Variants in NEK6 observed in about 807,000 individuals in gnomAD.
NEK6 encodes the protein serine/threonine-protein kinase Nek6.
Under a neutral mutation model 43.5 loss-of-function variants are expected in NEK6, and 27 were observed. The observed-to-expected ratio is 0.62, with a 90% confidence interval of 0.46 to 0.86. The LOEUF is 0.86. Ranked by LOEUF, NEK6 falls within the 40% of genes least tolerant of loss-of-function variation. The pLI is 0.00. For missense variants in NEK6, 318 were observed against 414.4 expected (o/e 0.77, Z 2.02); for synonymous variants, 167 against 164.1 (o/e 1.02, Z -0.14).
intron 8 of NEK6, among the ~76,000 whole-genome samples, chr9:124,342,614 C>T (rs1278432498): frequency 6.6e-6 from 1 of 152,254 alleles, no homozygotes; most frequent in African/African-American, 2.4e-5. Flanking sequence ...CACGAGGCTC[C>T]TGCAGCTTGC....
chr9:124,275,901 C>A lies in NEK6; in HGVS notation c.-30+17816C>A, dbSNP rs747555643. ...TCTGGGGACAGATAGGTCAGCGGGA[C>A]GGATGGAACCAGCTCTGTGACTCAC... On this transcript the variant is annotated intron_variant, in intron 1 of 9. Coordinates refer to ENST00000320246, the MANE Select transcript of NEK6 (RefSeq NM_014397.6). This position sits in a 1 kb window ranked among gnomAD's most constrained non-coding sequence, Gnocchi z 4.4. 6.6e-6 allele frequency among the ~76,000 whole-genome samples: 1 copy of A among 152,256 alleles called. No individual in the cohort carries two copies. The highest frequency in any genetic ancestry group is 1.5e-5 in the Non-Finnish European group (1 of 68,050).
intron 1 of NEK6, among the ~76,000 whole-genome samples, chr9:124,289,253 C>G (rs1055429756): frequency 4.8e-5 from 7 of 146,178 alleles, no homozygotes; most frequent in Non-Finnish European, 1.0e-4. Context: ...TCTGCTCCTT[C>G]GCTGAGGGGA....
At chr9:124,312,673 A>G in intron 3 of NEK6, 24 bp downstream of exon 3, 1 of 1,598,162 alleles carries the variant, frequency 6.3e-7, no homozygotes, top group Non-Finnish European at 8.6e-7. Flanking sequence ...CCGTGGGGTC[A>G]AACCTGCATC....
chr9:124,263,187 C>T (rs979638968), intron 1 of NEK6, among the ~76,000 whole-genome samples: 2 of 152,238 alleles, frequency 1.3e-5, no homozygotes, highest in African/African-American at 4.8e-5. Flanking sequence ...ATGAGGAATT[C>T]ACTGGGCTCC....
chr9:124,289,561 A>G (rs949785812), intron 1 of NEK6, among the ~76,000 whole-genome samples: 2 of 152,108 alleles, frequency 1.3e-5, no homozygotes, highest in African/African-American at 4.8e-5. Flanking sequence ...CCACGTCACT[A>G]TGGCTACTAT....
At chr9:124,298,522 A>G (rs1832808770) in intron 1 of NEK6, among the ~76,000 whole-genome samples, 1 of 151,800 alleles carries the variant, frequency 6.6e-6, no homozygotes, top group African/African-American at 2.4e-5. Context: ...TGTGGAGGAA[A>G]TGGGCCCTTG....
chr9:124,261,338 AT>A (rs1831022910), intron 1 of NEK6: 19 of 938,314 alleles, frequency 2.0e-5, no homozygotes, highest in Non-Finnish European at 2.3e-5. Flanking sequence ...TGTCAAAACA[AT>A]TGTCAAAAGG....
chr9:124,335,080 G>A (rs995362826), intron 7 of NEK6, among the ~76,000 whole-genome samples: 1 of 152,154 alleles, frequency 6.6e-6, no homozygotes, highest in African/African-American at 2.4e-5. Context: ...CCATCTCTGT[G>A]TGCACCCCAT....
chr9:124,279,671 T>C (rs1194658154), intron 1 of NEK6, among the ~76,000 whole-genome samples: 2 of 152,208 alleles, frequency 1.3e-5, no homozygotes, highest in Non-Finnish European at 2.9e-5. Context: ...CCTTTGTCTG[T>C]TGAGTGCTGA....
At chr9:124,307,497 T>A (rs1220856969) in intron 2 of NEK6, among the ~76,000 whole-genome samples, 1 of 152,214 alleles carries the variant, frequency 6.6e-6, no homozygotes, top group Non-Finnish European at 1.5e-5. Flanking sequence ...TCAAATCCCA[T>A]GTGCCTGCCC....
At chr9:124,327,505 G>A (rs1237092608) in intron 7 of NEK6, 60 bp downstream of exon 7, 3 of 1,297,752 alleles carry the variant, frequency 2.3e-6, no homozygotes, top group African/African-American at 1.5e-5. Flanking sequence ...CATGCAGGGA[G>A]ACGCAAACAT....
At chr9:124,347,057 C>A (rs1297493178) in intron 8 of NEK6, among the ~76,000 whole-genome samples, 2 of 152,202 alleles carry the variant, frequency 1.3e-5, no homozygotes, top group Non-Finnish European at 2.9e-5. Context: ...GAGCCAGGCG[C>A]TTCCCTCCCA....
intron 7 of NEK6, among the ~76,000 whole-genome samples, chr9:124,336,073 A>G (rs146403715): frequency 0.072 from 10,884 of 152,182 alleles, 976 homozygotes; most frequent in East Asian, 0.45. Flanking sequence ...ACCCATCTTT[A>G]CTAAAAATAC....
chr9:124,349,647 T>C (rs1017275301), intron 9 of NEK6, among the ~76,000 whole-genome samples: 2 of 152,256 alleles, frequency 1.3e-5, no homozygotes, highest in East Asian at 1.9e-4. Context: ...CATGCACTTA[T>C]TGACAACTGT....
chr9:124,329,520 G>A (rs1465675854), intron 7 of NEK6, among the ~76,000 whole-genome samples: 2 of 152,194 alleles, frequency 1.3e-5, no homozygotes, highest in African/African-American at 2.4e-5. Context: ...CTCATAAGCC[G>A]GGCTCTTCCC....
intron 5 of NEK6, among the ~76,000 whole-genome samples, chr9:124,322,299 C>G (rs1446521808): frequency 6.6e-6 from 1 of 152,134 alleles, no homozygotes; most frequent in Non-Finnish European, 1.5e-5. Context: ...AGCGCCAGGA[C>G]TGGCTCATGC....
chr9:124,340,755 G>C (rs987975276), intron 8 of NEK6, among the ~76,000 whole-genome samples: 1 of 152,194 alleles, frequency 6.6e-6, no homozygotes, highest in Admixed American at 6.5e-5. Flanking sequence ...GTGATGCTCA[G>C]GACAGCGTGT....
At chr9:124,329,670 G>A (rs534297606) in intron 7 of NEK6, among the ~76,000 whole-genome samples, 1 of 152,346 alleles carries the variant, frequency 6.6e-6, no homozygotes, top group Non-Finnish European at 1.5e-5. Context: ...GCAAGTCCCT[G>A]CCAGCAGGAC....
At chr9:124,316,996 A>G (rs148133231) in intron 4 of NEK6, among the ~76,000 whole-genome samples, 365 of 152,266 alleles carry the variant, frequency 2.4e-3, no homozygotes, top group Middle Eastern at 0.014. Flanking sequence ...CTGGTGACAT[A>G]ATGAGGTGAA....
Sources: allele counts gnomAD v4.1 joint callset (sites outside exome capture counted in the v4.1 genomes callset), GRCh38; gene constraint gnomAD v4.1.1; non-coding constraint Gnocchi (gnomAD v3.1); transcripts MANE v1.5; gene names NCBI Gene and HGNC (gene_info 2026-07-23, HGNC 2026-07-21).